LRPPRC: variants seen among roughly 807,000 people sequenced by gnomAD.
The protein encoded by LRPPRC is leucine rich pentatricopeptide repeat containing, also known as leucine-rich PPR motif-containing protein, mitochondrial.
LRPPRC carries 120 observed loss-of-function variants against 180.3 expected under a neutral mutation model. The observed-to-expected ratio is 0.67, with a 90% CI of 0.57 to 0.77. The LOEUF is 0.77. Among genes scored for constraint, LRPPRC ranks in the 30% least tolerant of loss-of-function variants. The pLI is 0.00. For missense variants in LRPPRC, 2,012 were observed against 1,657.2 expected, an observed-to-expected ratio of 1.21 and a Z score of -3.72; for synonymous variants, 723 against 600.0, an observed-to-expected ratio of 1.21 and a Z score of -3.00.
chr2:43,940,404 G>C (rs1212922361), intron 23 of LRPPRC, among the ~76,000 whole-genome samples: 1 of 152,162 alleles, frequency 6.6e-6, no homozygotes, highest in African/African-American at 2.4e-5. Flanking sequence ...GTTACAGTGA[G>C]TTCCAAAAAC....
upstream of LRPPRC, chr2:43,996,070 C>A: frequency 2.1e-6 from 2 of 952,594 alleles, no homozygotes; most frequent in Non-Finnish European, 3.1e-6. Flanking sequence ...GGGGGAGCGA[C>A]GGATTGTTTT....
At chr2:43,943,299 A>C (rs1408935278) in intron 23 of LRPPRC, among the ~76,000 whole-genome samples, 2 of 152,080 alleles carry the variant, frequency 1.3e-5, no homozygotes, top group East Asian at 1.9e-4. Context: ...ATACCCTGTG[A>C]AGAAAAGGAG....
At chr2:43,934,366 T>C in intron 24 of LRPPRC, 70 bp from the exon 25 acceptor site, 1 of 729,570 alleles carries the variant, frequency 1.4e-6, no homozygotes, top group African/African-American at 1.8e-5. Context: ...TCATATGAAG[T>C]TCCAGACAAA....
intron 31 of LRPPRC, 69 bp from the exon 32 acceptor site, chr2:43,901,593 C>G (rs1670889334): frequency 1.0e-6 from 1 of 986,884 alleles, no homozygotes; most frequent in South Asian, 1.3e-5. Flanking sequence ...TTTTGAAAAC[C>G]AGCTTTTAAA....
intron 34 of LRPPRC, among the ~76,000 whole-genome samples, chr2:43,898,938 G>A (rs1572893780): frequency 6.6e-6 from 1 of 152,230 alleles, no homozygotes; most frequent in East Asian, 1.9e-4. Context: ...AATCATTTCA[G>A]CGAAACTCGC....
At chr2:43,924,357 A>C (rs573552991) in intron 27 of LRPPRC, among the ~76,000 whole-genome samples, 2 of 152,324 alleles carry the variant, frequency 1.3e-5, no homozygotes, top group South Asian at 2.1e-4. Flanking sequence ...GAGAGATCGA[A>C]AGTTTCAGAA....
intron 1 of LRPPRC, among the ~76,000 whole-genome samples, chr2:43,990,101 C>T (rs1489257015): frequency 6.6e-6 from 1 of 152,102 alleles, no homozygotes; most frequent in Admixed American, 6.5e-5. Context: ...CGCCTGTCGT[C>T]CCAGCTACTT....
chr2:43,967,566 C>A (rs550635319), intron 11 of LRPPRC, among the ~76,000 whole-genome samples: 1 of 152,092 alleles, frequency 6.6e-6, no homozygotes. Flanking sequence ...TGGTGGCAGG[C>A]GCCTATAATC....
rs888400607 is a variant in LRPPRC, at chr2:43,894,551, T to C, written c.3979A>G (p.Ser1327Gly). The C allele has an allele frequency of 4.1e-6, 6 of 1,466,582 alleles. No individual in the cohort carries two copies. In the African/African-American group the frequency reaches 6.9e-5, roughly 17 times the overall value. The allele number at this position is 1,466,582 out of a possible 1,614,324, so 90.8% of individuals were successfully genotyped here. Residue 1327 changes from serine to glycine, a missense_variant, in exon 36 of 38, where the codon AGC becomes GGC. Coordinates refer to ENST00000260665, the MANE Select transcript of LRPPRC (RefSeq NM_133259.4). The stretch of plus-strand genomic sequence containing the variant: ...CAAATTAAACTTATATTACCATAGC[T>C]TTTCATGAGGGAATTGTATGCTTCT... ...KEEAYNSLMK[S>G]YVSEKDVTSA...
intron 23 of LRPPRC, among the ~76,000 whole-genome samples, chr2:43,942,570 TTAAG>T (rs1262711939): frequency 1.3e-5 from 2 of 152,164 alleles, no homozygotes; most frequent in African/African-American, 4.8e-5. Context: ...ACACATTTTT[TTAAG>T]TTAGTTAAAA....
At chr2:43,980,920 T>C (rs1256244314) in intron 2 of LRPPRC, among the ~76,000 whole-genome samples, 1 of 152,126 alleles carries the variant, frequency 6.6e-6, no homozygotes, top group Non-Finnish European at 1.5e-5. Flanking sequence ...GTTGAATAAA[T>C]AAGTCAGAGA....
At chr2:43,903,499 G>T (rs1345178402) in intron 31 of LRPPRC, 1 of 148,080 alleles carries the variant, frequency 6.8e-6, no homozygotes, top group Non-Finnish European at 1.5e-5. Flanking sequence ...GATGGGAATA[G>T]TGCAAACACT....
chr2:43,889,377 A>T (rs181452788), intron 37 of LRPPRC, among the ~76,000 whole-genome samples: 1 of 151,238 alleles, frequency 6.6e-6, no homozygotes, highest in Non-Finnish European at 1.5e-5. Context: ...AAACCAACTT[A>T]TGTAAATGAA....
intron 27 of LRPPRC, among the ~76,000 whole-genome samples, chr2:43,918,893 A>G (rs1484554701): frequency 1.3e-5 from 2 of 150,664 alleles, no homozygotes; most frequent in African/African-American, 2.4e-5. Context: ...GGCATATGCC[A>G]CCATATACAT....
intron 14 of LRPPRC, among the ~76,000 whole-genome samples, chr2:43,953,459 G>A (rs1672982645): frequency 6.6e-6 from 1 of 152,172 alleles, no homozygotes; most frequent in African/African-American, 2.4e-5. Context: ...AGACAGATTT[G>A]CAACTGTGCA....
chr2:43,932,041 T>G (rs1306894625), intron 25 of LRPPRC, among the ~76,000 whole-genome samples: 1 of 146,872 alleles, frequency 6.8e-6, no homozygotes, highest in Non-Finnish European at 1.5e-5. Flanking sequence ...TTCTGAGGAT[T>G]GCTTGTGCCC....
In LRPPRC at chr2:43,934,882, A is replaced by G; in HGVS notation, c.2505-4T>C. 6.2e-7 allele frequency: 1 copy of G among 1,612,210 alleles called. No individual in the cohort carries two copies. The highest frequency in any genetic ancestry group is 8.5e-7 in the Non-Finnish European group (1 of 1,178,602). ...AAGAGCAGTAGATAGGTCGCCCCTTAGAAACAAAAAAATTAGCAATGAATA... is the reference window on the plus strand; with the variant it reads ...AAGAGCAGTAGATAGGTCGCCCCTTGGAAACAAAAAAATTAGCAATGAATA... On this transcript the variant is annotated splice_polypyrimidine_tract_variant and splice_region_variant and intron_variant, in intron 23 of 37. Transcript: ENST00000260665.
chr2:43,909,046 G>C (rs1017680883), intron 30 of LRPPRC, among the ~76,000 whole-genome samples: 1 of 152,210 alleles, frequency 6.6e-6, no homozygotes, highest in Non-Finnish European at 1.5e-5. Context: ...AATGGGAAAT[G>C]GGAAGAGAGG....
chr2:43,912,601 T>C lies in LRPPRC; in HGVS notation c.3149-43A>G, dbSNP rs368507571. On this transcript the variant is annotated intron_variant, in intron 29 of 37. Transcript: ENST00000260665. ...CAAAAAAAATGAGATGACATTATTC[T>C]GAAATGCCAAAAGGATGGAAAAAAT... 9 of 1,569,518 alleles carry C rather than the reference T, an allele frequency of 5.7e-6. No individual in the cohort carries two copies. The African/African-American group carries it at 1.2e-4, about 21-fold the overall frequency.
Sources: allele counts gnomAD v4.1 joint callset (sites outside exome capture counted in the v4.1 genomes callset), GRCh38; gene constraint gnomAD v4.1.1; transcripts MANE v1.5; gene names NCBI Gene and HGNC (gene_info 2026-07-23, HGNC 2026-07-21).